The following ITPR2 variants were observed in gnomAD, a reference collection of about 807,000 sequenced individuals.
The protein encoded by ITPR2 is inositol 1,4,5-trisphosphate receptor type 2, also known as inositol 1,4,5-trisphosphate-gated calcium channel ITPR2.
ITPR2 carries 207 observed loss-of-function variants against 317.1 expected under a neutral mutation model. That is an observed-to-expected ratio of 0.65 (90% CI 0.58 to 0.73). The LOEUF (loss-of-function observed/expected upper bound fraction) is 0.73. ITPR2 is among the 30% of genes least tolerant of loss of function. ITPR2 has a pLI of 0.00. For missense variants in ITPR2, 2,613 were observed against 3,284.0 expected, an observed-to-expected ratio of 0.80 and a Z score of 4.99; for synonymous variants, 1,156 against 1,149.1, an observed-to-expected ratio of 1.01 and a Z score of -0.12.
At chr12:26,726,695 C>G (rs1389673193) in intron 2 of ITPR2, among the ~76,000 whole-genome samples, 1 of 152,150 alleles carries the variant, frequency 6.6e-6, no homozygotes, top group Non-Finnish European at 1.5e-5. Context: ...TCAGTCAACT[C>G]AAATATCCAC....
At chr12:26,723,334 G>C (rs960540940) in intron 4 of ITPR2, among the ~76,000 whole-genome samples, 8 of 151,888 alleles carry the variant, frequency 5.3e-5, no homozygotes, top group Non-Finnish European at 1.2e-4. Context: ...TCATACTCTT[G>C]GGTCCTTATG....
At chr12:26,518,947 G>A (rs1240907978) in intron 37 of ITPR2, among the ~76,000 whole-genome samples, 2 of 151,908 alleles carry the variant, frequency 1.3e-5, no homozygotes, top group South Asian at 2.1e-4. Flanking sequence ...TGCATAAAAC[G>A]AATAAATTTC....
chr12:26,597,233 G>A (rs969670879), intron 30 of ITPR2, 99 bp from the exon 31 acceptor site: 31 of 1,281,234 alleles, frequency 2.4e-5, no homozygotes, highest in South Asian at 1.0e-4. Context: ...ATATCTCTTC[G>A]TAAAAACATA....
chr12:26,665,732 A>G (rs1184787007), intron 14 of ITPR2, among the ~76,000 whole-genome samples, 178 bp downstream of exon 14: 1 of 152,190 alleles, frequency 6.6e-6, no homozygotes, highest in African/African-American at 2.4e-5. Flanking sequence ...AGATCTGCCC[A>G]TGTAAGCCAC....
intron 1 of ITPR2, among the ~76,000 whole-genome samples, chr12:26,813,497 T>C (rs1217339722): frequency 2.0e-5 from 3 of 152,254 alleles, no homozygotes; most frequent in Non-Finnish European, 2.9e-5. Context: ...TTCTGAATAA[T>C]GTGCTTATTT....
In ITPR2 at chr12:26,602,679, C is replaced by A; in HGVS notation, c.3490G>T (p.Asp1164Tyr). The A allele has an allele frequency of 6.2e-7, 1 of 1,607,122 alleles. No individual in the cohort carries two copies. The change falls in exon 27 of 57, where the codon GAT (aspartate) becomes TAT (tyrosine). Residue 1164 changes from aspartate to tyrosine, a missense_variant. By Grantham distance (160) the Asp-to-Tyr change is radical. Coordinates refer to ENST00000381340, the MANE Select transcript of ITPR2 (RefSeq NM_002223.4). ...EESNILSPVQ[D>Y]GTKKPQIDSN... is the part of the protein sequence containing the mutation. ...TCAATCTGAGGTTTCTTTGTTCCATCCTGCACTGGACTTAAAATGTTTGAT... is the reference window on the plus strand; with the variant it reads ...TCAATCTGAGGTTTCTTTGTTCCATACTGCACTGGACTTAAAATGTTTGAT...
At chr12:26,714,795 A>C (rs1196269401) in intron 8 of ITPR2, among the ~76,000 whole-genome samples, 1 of 152,232 alleles carries the variant, frequency 6.6e-6, no homozygotes, top group Non-Finnish European at 1.5e-5. Context: ...TCCACATTTA[A>C]GTGATACTTT....
chr12:26,501,564 G>A lies in ITPR2; in HGVS notation c.5074-6304C>T, dbSNP rs1290443898. On this transcript the variant is annotated intron_variant, in intron 37 of 56. Transcript: ENST00000381340. ...CAAATTTCAACAGGACTAGTTATGTGCACTCAGAAGATGCTCTTCTCATCA... is the reference window on the plus strand; with the variant it reads ...CAAATTTCAACAGGACTAGTTATGTACACTCAGAAGATGCTCTTCTCATCA... Among the ~76,000 whole-genome samples, 9 of 152,222 alleles carry A rather than the reference G, an allele frequency of 5.9e-5. No individual in the cohort carries two copies. In the East Asian group the frequency reaches 1.7e-3, roughly 29 times the overall value.
At chr12:26,480,837 C>G (rs368756910) in intron 43 of ITPR2, among the ~76,000 whole-genome samples, 32 of 151,926 alleles carry the variant, frequency 2.1e-4, no homozygotes, top group African/African-American at 7.7e-4. Context: ...TAGACTTCAT[C>G]TCAAAAAGTA....
intron 55 of ITPR2, among the ~76,000 whole-genome samples, chr12:26,350,550 T>C (rs1218533247): frequency 6.6e-6 from 1 of 152,008 alleles, no homozygotes; most frequent in Non-Finnish European, 1.5e-5. Context: ...TAGCACCAAG[T>C]CTGAAAGCAG....
chr12:26,692,207 A>G lies in ITPR2; in HGVS notation c.996+3399T>C, dbSNP rs145031125. Among the ~76,000 whole-genome samples, 68 of 151,978 alleles carry G rather than the reference A, an allele frequency of 4.5e-4. No individual in the cohort carries two copies. The East Asian group carries it at 9.9e-3, about 22-fold the overall frequency. ...TGGAACATTTCTGTTGATGTATATA[A>G]ATGCACATAGACCGGTGGTTCTCAA... is the stretch of plus-strand genomic sequence containing the variant. On this transcript the variant is annotated intron_variant, in intron 10 of 56. Coordinates refer to ENST00000381340, the MANE Select transcript of ITPR2 (RefSeq NM_002223.4).
chr12:26,753,275 C>T (rs1214798848), intron 2 of ITPR2, among the ~76,000 whole-genome samples: 1 of 152,146 alleles, frequency 6.6e-6, no homozygotes, highest in Non-Finnish European at 1.5e-5. Context: ...TGGTAAAGTC[C>T]CTTTTGCCTA....
chr12:26,566,471 G>GGAGGAGGGAGAGGAGGGA, intron 34 of ITPR2, among the ~76,000 whole-genome samples: 1 of 136,630 alleles, frequency 7.3e-6, no homozygotes, highest in East Asian at 2.3e-4. Flanking sequence ...GAGGAGAGGA[G>GGAGGAGGGAGAGGAGGGA]GAGGAGGGAG....
At chr12:26,584,791 G>C (rs1359399700) in intron 32 of ITPR2, among the ~76,000 whole-genome samples, 2 of 152,150 alleles carry the variant, frequency 1.3e-5, no homozygotes, top group African/African-American at 4.8e-5. Context: ...CTACAGGGCA[G>C]GGCACCTCTA....
intron 2 of ITPR2, among the ~76,000 whole-genome samples, chr12:26,728,610 T>G (rs1261788511): frequency 6.6e-6 from 1 of 152,212 alleles, no homozygotes; most frequent in African/African-American, 2.4e-5. Flanking sequence ...GCATGCTTAA[T>G]TCTCTCTCTG....
intron 54 of ITPR2, among the ~76,000 whole-genome samples, chr12:26,392,666 T>TG (rs1339816690): frequency 6.6e-6 from 1 of 152,232 alleles, no homozygotes; most frequent in East Asian, 1.9e-4. Context: ...AATGAAAACT[T>TG]GAACGGGCTT....
intron 32 of ITPR2, among the ~76,000 whole-genome samples, chr12:26,586,171 G>T (rs1211610640): frequency 6.6e-6 from 1 of 152,066 alleles, no homozygotes; most frequent in Non-Finnish European, 1.5e-5. Context: ...CAGAGACAGG[G>T]TCTTGCTCTG....
intron 26 of ITPR2, among the ~76,000 whole-genome samples, chr12:26,609,956 T>A (rs1380327758): frequency 6.6e-6 from 1 of 152,172 alleles, no homozygotes; most frequent in Non-Finnish European, 1.5e-5. Flanking sequence ...AGCTCAGACA[T>A]AAGTATGGGA....
chr12:26,670,737 C>T (rs566978879), intron 13 of ITPR2, among the ~76,000 whole-genome samples: 167 of 152,152 alleles, frequency 1.1e-3, no homozygotes, highest in African/African-American at 3.6e-3. Flanking sequence ...AGGCTTCAGA[C>T]GATCAAACTA....
Sources: allele counts gnomAD v4.1 joint callset (sites outside exome capture counted in the v4.1 genomes callset), GRCh38; gene constraint gnomAD v4.1.1; transcripts MANE v1.5; gene names NCBI Gene and HGNC (gene_info 2026-07-23, HGNC 2026-07-21).